NPLOC4: variants seen among roughly 807,000 people sequenced by gnomAD.
NPLOC4 encodes nuclear protein localization protein 4 homolog.
NPLOC4 carries 18 observed loss-of-function variants against 80.6 expected under a neutral mutation model. That is an observed-to-expected ratio of 0.22 (90% confidence interval 0.15 to 0.33). The LOEUF is 0.33. NPLOC4 is among the 10% of genes least tolerant of loss of function. The pLI is 1.00. For synonymous variants in NPLOC4, 313 were observed against 301.5 expected (o/e 1.04, Z -0.39); for missense variants, 540 against 786.1 (o/e 0.69, Z 3.74).
chr17:81,603,235 A>G (rs953247599), intron 8 of NPLOC4, among the ~76,000 whole-genome samples: 1 of 152,228 alleles, frequency 6.6e-6, no homozygotes, highest in Non-Finnish European at 1.5e-5. Context: ...GGTAAAAGGA[A>G]ATGAATATAC....
intron 13 of NPLOC4, among the ~76,000 whole-genome samples, chr17:81,571,262 A>T (rs2034153791): frequency 6.6e-6 from 1 of 152,214 alleles, no homozygotes; most frequent in Admixed American, 6.5e-5. Flanking sequence ...AGCATAGGAA[A>T]TGAGCCGCCT....
chr17:81,602,972 TAC>T (rs2035102725), intron 8 of NPLOC4, among the ~76,000 whole-genome samples: 1 of 102,734 alleles, frequency 9.7e-6, no homozygotes, highest in African/African-American at 3.9e-5. Context: ...CACATATATA[TAC>T]ACAAATACAC....
intron 12 of NPLOC4, among the ~76,000 whole-genome samples, chr17:81,575,574 G>A (rs186360051): frequency 1.2e-4 from 19 of 152,366 alleles, no homozygotes; most frequent in Non-Finnish European, 2.1e-4. Context: ...GACAGGAAGG[G>A]TTACAAAGAT....
intron 8 of NPLOC4, among the ~76,000 whole-genome samples, chr17:81,602,881 CTATATATGTATATACACATACATACA>C (rs2035095450): frequency 6.6e-6 from 1 of 151,388 alleles, no homozygotes; most frequent in Non-Finnish European, 1.5e-5. Flanking sequence ...TCCACACACA[CTATATATGTATATACACATACATACA>C]TATATATGTA....
chr17:81,595,453 CTT>C (rs111441266), intron 11 of NPLOC4, among the ~76,000 whole-genome samples: 1 of 132,624 alleles, frequency 7.5e-6, no homozygotes, highest in African/African-American at 2.8e-5. Context: ...ACCCGTTTTG[CTT>C]TTTTTTTTTG....
chr17:81,618,633 G>A (rs1474787766), intron 3 of NPLOC4, among the ~76,000 whole-genome samples: 6 of 150,040 alleles, frequency 4.0e-5, no homozygotes, highest in South Asian at 2.1e-4. Context: ...GGTGAGGGGC[G>A]CCTCTGCCCG....
At chr17:81,600,456 C>G (rs766133866) in intron 8 of NPLOC4, 29 bp from the exon 9 acceptor site, 2 of 1,577,432 alleles carry the variant, frequency 1.3e-6, no homozygotes, top group Non-Finnish European at 1.7e-6. Context: ...AGAAGATGGA[C>G]TTAGAGCAGA....
In NPLOC4 at chr17:81,608,842, G is replaced by A. The variant is rs370854547; in HGVS notation, c.436-20C>T. On this transcript the variant is annotated intron_variant, in intron 5 of 16. Transcript: ENST00000331134. ...GAATGGCTGCCAAGACACAGAGTAA[G>A]CGAGTGCAGTCTCACACGTGCCGGT... The A allele has an allele frequency of 1.4e-4, 216 of 1,555,270 alleles. No homozygotes were observed. In the African/African-American group the frequency reaches 2.6e-3, roughly 19 times the overall value.
At chr17:81,617,254 GA>G (rs796986221) in intron 3 of NPLOC4, among the ~76,000 whole-genome samples, 53 of 151,404 alleles carry the variant, frequency 3.5e-4, no homozygotes, top group African/African-American at 9.7e-4. Flanking sequence ...GATTTAGGGG[GA>G]AAAAAAATCA....
chr17:81,630,835 C>T (rs1185110786), intron 1 of NPLOC4, among the ~76,000 whole-genome samples: 1 of 152,016 alleles, frequency 6.6e-6, no homozygotes, highest in East Asian at 1.9e-4. Flanking sequence ...CAAGATGGTG[C>T]CACTGCACTC....
At chr17:81,628,212 TA>T (rs1193510260) in intron 2 of NPLOC4, among the ~76,000 whole-genome samples, 74 of 101,514 alleles carry the variant, frequency 7.3e-4, no homozygotes, top group African/African-American at 9.4e-4. Context: ...CTCCCTCTCA[TA>T]AAAAAAAAAA....
At chr17:81,606,157 G>C (rs940394145) in intron 7 of NPLOC4, among the ~76,000 whole-genome samples, 1 of 152,120 alleles carries the variant, frequency 6.6e-6, no homozygotes, top group Non-Finnish European at 1.5e-5. Flanking sequence ...AAAAGGAATA[G>C]AGAATAGGAG....
chr17:81,598,078 G>C (rs1195583944), intron 9 of NPLOC4, among the ~76,000 whole-genome samples: 4 of 133,136 alleles, frequency 3.0e-5, no homozygotes, highest in Admixed American at 8.8e-5. Context: ...CTGGCCCACA[G>C]AGCAAGACTC....
intron 16 of NPLOC4, 78 bp from the exon 17 acceptor site, chr17:81,559,494 G>A: frequency 1.4e-6 from 2 of 1,476,440 alleles, no homozygotes; most frequent in Admixed American, 2.2e-5. Flanking sequence ...TGGGGGCAGG[G>A]GCAGGCAGCT....
chr17:81,629,339 C>T (rs2035875087), intron 2 of NPLOC4, among the ~76,000 whole-genome samples: 1 of 151,862 alleles, frequency 6.6e-6, no homozygotes, highest in African/African-American at 2.4e-5. Context: ...TTACAGGCAC[C>T]TACCACCACG....
intron 11 of NPLOC4, among the ~76,000 whole-genome samples, chr17:81,595,453 CT>C (rs111441266): frequency 0.013 from 1,733 of 132,574 alleles, 56 homozygotes; most frequent in African/African-American, 0.045. Flanking sequence ...ACCCGTTTTG[CT>C]TTTTTTTTTT....
intron 2 of NPLOC4, among the ~76,000 whole-genome samples, 176 bp from the exon 3 acceptor site, chr17:81,622,454 G>A (rs2035694748): frequency 1.3e-5 from 2 of 152,212 alleles, no homozygotes; most frequent in South Asian, 4.1e-4. Context: ...TCACAAAGGT[G>A]TCAATTAAAA....
rs1273625961 is a variant in NPLOC4 at position 81,608,709 on chromosome 17, G to C, written c.530+19C>G. On this transcript the variant is annotated intron_variant, in intron 6 of 16. Coordinates refer to ENST00000331134, the MANE Select transcript of NPLOC4 (RefSeq NM_017921.4). ...CAAAAAGGAATTTACGCACAACCAG[G>C]TTACAGCAAGTTGCTTACTTGTCAG... 1 of 1,556,308 alleles carries C rather than the reference G, an allele frequency of 6.4e-7. No individual in the cohort carries two copies.
intron 16 of NPLOC4, chr17:81,562,249 C>T (rs2033873434): frequency 6.6e-6 from 1 of 151,086 alleles, no homozygotes; most frequent in Non-Finnish European, 1.5e-5. Flanking sequence ...AACAAAACAA[C>T]CCATGAGGGC....
Sources: gnomAD v4.1 joint callset for allele counts (sites outside exome capture counted in the v4.1 genomes callset) on GRCh38, gnomAD v4.1.1 for gene constraint, MANE v1.5 for transcripts, NCBI Gene and HGNC (gene_info 2026-07-23, HGNC 2026-07-21) for gene names.